Variants in ACTR2 observed in about 807,000 individuals in gnomAD.
ACTR2 encodes the protein actin-related protein 2.
A neutral mutation model predicts 50.2 loss-of-function variants in ACTR2; 5 were observed. That is an observed-to-expected ratio of 0.10 (90% CI 0.05 to 0.21). The LOEUF (loss-of-function observed/expected upper bound fraction) is 0.21, where lower values mean the gene tolerates loss of function less well. ACTR2 is among the 10% of genes least tolerant of loss of function. The pLI is 1.00. For synonymous variants in ACTR2, 140 were observed against 162.9 expected, an observed-to-expected ratio of 0.86 and a Z score of 1.07; for missense variants, 180 against 480.6, an observed-to-expected ratio of 0.37 and a Z score of 5.85.
rs1200584753 is a variant in ACTR2, at chr2:65,251,017, G to T, written c.376-10G>T. The T allele has an allele frequency of 7.6e-6, 12 of 1,582,394 alleles. No individual in the cohort carries two copies. Among genetic ancestry groups the T allele is most frequent in the Non-Finnish European group, 1.0e-5 (12 of 1,165,242 alleles). On this transcript the variant is annotated splice_polypyrimidine_tract_variant and intron_variant, in intron 3 of 8. Transcript: ENST00000260641. ...AATACCAGTTTTTTTCTTTCTGTCTGCATTTACAGGTAATGTTTGAAACTT... is the reference window on the plus strand; with the variant it reads ...AATACCAGTTTTTTTCTTTCTGTCTTCATTTACAGGTAATGTTTGAAACTT...
intron 1 of ACTR2, among the ~76,000 whole-genome samples, chr2:65,232,097 A>T (rs1463323451): frequency 6.6e-6 from 1 of 152,182 alleles, no homozygotes; most frequent in Non-Finnish European, 1.5e-5. Context: ...TAACCATTCA[A>T]ACCTCCTTCT....
intron 5 of ACTR2, among the ~76,000 whole-genome samples, 195 bp from the exon 6 acceptor site, chr2:65,255,350 C>G (rs562822865): frequency 6.6e-6 from 1 of 152,148 alleles, no homozygotes; most frequent in African/African-American, 2.4e-5. Context: ...ATTGTTAATT[C>G]TTTTACCCTC....
chr2:65,243,058 ATCACGAGG>A (rs1165158829), intron 2 of ACTR2, among the ~76,000 whole-genome samples: 1 of 152,174 alleles, frequency 6.6e-6, no homozygotes, highest in Non-Finnish European at 1.5e-5. Flanking sequence ...AGGCGGGTGG[ATCACGAGG>A]TCACGAGTTC....
At position 65,236,298 on chromosome 2, in the gene ACTR2, T is replaced by C. The variant is rs529460784; in HGVS notation, c.49-3554T>C. On this transcript the variant is annotated intron_variant, in intron 1 of 8. Coordinates refer to ENST00000260641, the MANE Select transcript of ACTR2 (RefSeq NM_005722.4). ...TTGCAGTGAGCTGCGATGACGTCAC[T>C]GCACTCCAGCCTGGGTGACAGAGCG... Among the ~76,000 whole-genome samples the C allele has an allele frequency of 4.0e-5, 6 of 149,358 alleles. No homozygotes were observed. In the East Asian group the frequency reaches 1.2e-3, roughly 30 times the overall value.
In ACTR2 at chr2:65,268,761, C is replaced by G; in HGVS notation, c.*27C>G. On this transcript the variant is annotated 3_prime_UTR_variant, in exon 9 of 9. Transcript: ENST00000260641. ...CTCCAAAGCTTGTTCCCGTCATACC[C>G]GTAATGCTTTCTTTTTTCCTTTATT... 1.3e-6 allele frequency: 2 copies of G among 1,597,930 alleles called. No individual in the cohort carries two copies. The highest frequency in any genetic ancestry group is 1.7e-4 in the Middle Eastern group (1 of 5,956).
intron 4 of ACTR2, among the ~76,000 whole-genome samples, chr2:65,252,158 A>G (rs760349921): frequency 5.3e-5 from 8 of 152,140 alleles, no homozygotes; most frequent in Admixed American, 2.0e-4. Flanking sequence ...TTTGGGAAAT[A>G]AAATGTAAAT....
intron 1 of ACTR2, among the ~76,000 whole-genome samples, chr2:65,230,597 G>A (rs1024352801): frequency 6.6e-6 from 1 of 151,610 alleles, no homozygotes; most frequent in African/African-American, 2.4e-5. Context: ...TTTTTGTAGA[G>A]ACTGGGTCTC....
chr2:65,268,244 C>G (rs539731697), intron 8 of ACTR2, among the ~76,000 whole-genome samples: 4 of 152,030 alleles, frequency 2.6e-5, no homozygotes, highest in Admixed American at 6.6e-5. Context: ...TGTTTGGTCT[C>G]TCAGTAGGGT....
intron 6 of ACTR2, among the ~76,000 whole-genome samples, chr2:65,257,073 C>A (rs1233186341): frequency 1.3e-5 from 2 of 152,028 alleles, no homozygotes; most frequent in East Asian, 1.9e-4. Flanking sequence ...TTAGATATTT[C>A]TCCTAATGCT....
At chr2:65,251,561 A>G (rs933875511) in intron 4 of ACTR2, among the ~76,000 whole-genome samples, 1 of 152,086 alleles carries the variant, frequency 6.6e-6, no homozygotes, top group Non-Finnish European at 1.5e-5. Flanking sequence ...GGGTTTCTCC[A>G]TATTGGTCAG....
intron 3 of ACTR2, among the ~76,000 whole-genome samples, chr2:65,248,173 G>A (rs1425798000): frequency 6.6e-6 from 1 of 152,092 alleles, no homozygotes; most frequent in African/African-American, 2.4e-5. Flanking sequence ...AGGCCGAGGT[G>A]GGCGGATCAC....
chr2:65,240,954 A>T (rs1671831201), intron 2 of ACTR2, among the ~76,000 whole-genome samples: 1 of 151,430 alleles, frequency 6.6e-6, no homozygotes. Context: ...TAGAGAGTTG[A>T]GTTACACAAT....
At chr2:65,264,459 A>T (rs1452794128) in intron 7 of ACTR2, among the ~76,000 whole-genome samples, 1 of 152,172 alleles carries the variant, frequency 6.6e-6, no homozygotes, top group Non-Finnish European at 1.5e-5. Flanking sequence ...TTTACTACAT[A>T]TGCAGTCTTT....
chr2:65,268,489 T>C, intron 8 of ACTR2, 75 bp from the exon 9 acceptor site: 1 of 1,384,982 alleles, frequency 7.2e-7, no homozygotes, highest in Non-Finnish European at 9.8e-7. Context: ...AGAGCATATA[T>C]TTAAAAAGCC....
At chr2:65,241,231 G>A (rs1244974326) in intron 2 of ACTR2, among the ~76,000 whole-genome samples, 1 of 152,156 alleles carries the variant, frequency 6.6e-6, no homozygotes, top group Non-Finnish European at 1.5e-5. Flanking sequence ...ACTGTTTAAT[G>A]AAGTTGAAGG....
At chr2:65,253,373 A>G (rs952707080) in intron 4 of ACTR2, among the ~76,000 whole-genome samples, 2 of 151,914 alleles carry the variant, frequency 1.3e-5, no homozygotes, top group Admixed American at 6.6e-5. Context: ...AACCCAGGAA[A>G]TGAAGATTGC....
chr2:65,247,752 A>C (rs1438655980), intron 3 of ACTR2, among the ~76,000 whole-genome samples: 1 of 152,176 alleles, frequency 6.6e-6, no homozygotes, highest in African/African-American at 2.4e-5. Context: ...AAGGGGAGGC[A>C]GGAAAGATTT....
chr2:65,268,900 T>A lies in ACTR2; in HGVS notation c.*166T>A. On this transcript the variant is annotated 3_prime_UTR_variant, in exon 9 of 9. Coordinates refer to ENST00000260641, the MANE Select transcript of ACTR2 (RefSeq NM_005722.4). ...TTGGGGAAGCTTTGTTAAATTTTTG[T>A]TAATGTGGGTAAATCTGAGTTTAAT... The A allele has an allele frequency of 3.0e-6, 2 of 669,280 alleles. No homozygotes were observed. The highest frequency in any genetic ancestry group is 5.0e-6 in the Non-Finnish European group (2 of 399,770). The allele number at this position is 669,280 out of a possible 1,614,324, so 41.5% of individuals were successfully genotyped here.
chr2:65,255,836 C>A, intron 6 of ACTR2, 142 bp downstream of exon 6: 1 of 588,840 alleles, frequency 1.7e-6, no homozygotes, highest in Middle Eastern at 2.9e-4. Flanking sequence ...TTTAATGTCT[C>A]TTTCTACATT....
Sources: allele counts gnomAD v4.1 joint callset (sites outside exome capture counted in the v4.1 genomes callset), GRCh38; gene constraint gnomAD v4.1.1; transcripts MANE v1.5; gene names NCBI Gene and HGNC (gene_info 2026-07-23, HGNC 2026-07-21).